PDIA6: variants seen among roughly 807,000 people sequenced by gnomAD.
PDIA6 encodes protein disulfide-isomerase A6.
Under a neutral mutation model 58.4 loss-of-function variants are expected in PDIA6, and 29 were observed. The ratio of observed to expected loss-of-function variants is 0.50; its 90% CI spans 0.37 to 0.68. The LOEUF (loss-of-function observed/expected upper bound fraction) is 0.68, where lower values mean the gene tolerates loss of function less well. Ranked by LOEUF, PDIA6 falls within the 30% of genes least tolerant of loss-of-function variation. The probability of loss-of-function intolerance (pLI) is 0.00; values close to 1 mark genes in which losing one functional copy is unlikely to be tolerated. For synonymous variants in PDIA6, 192 were observed against 202.6 expected (o/e 0.95, Z 0.44); for missense variants, 480 against 551.0 (o/e 0.87, Z 1.29).
At chr2:10,832,541 T>G, upstream of PDIA6, 4 of 542,468 alleles carry the variant, frequency 7.4e-6, no homozygotes, top group Non-Finnish European at 9.4e-6. Context: ...CTGCGCAGGC[T>G]GCTGCGGGGA....
At position 10,789,898 on chromosome 2, in the gene PDIA6, A is replaced by G. The variant is rs1259667529; in HGVS notation, c.700-9T>C. 1.9e-6 allele frequency: 3 copies of G among 1,609,948 alleles called. No homozygotes were observed. The highest frequency in any genetic ancestry group is 2.2e-5 in the South Asian group (2 of 90,556). ...GTAGGAAATCCTCTAATCTATTAAA[A>G]AAAGGTCAGAGGATAAAATCCAATT... is the stretch of plus-strand genomic sequence containing the variant. On this transcript the variant is annotated splice_polypyrimidine_tract_variant and intron_variant, in intron 7 of 12. Transcript: ENST00000272227.
chr2:10,793,116 C>T lies in PDIA6; in HGVS notation c.433G>A (p.Gly145Arg), dbSNP rs143589785. Residue 145 changes from glycine to arginine, a missense_variant, in exon 5 of 13, where the codon GGA (glycine) becomes AGA (arginine). Physicochemically the swap from Gly to Arg is moderately radical, Grantham distance 125. Coordinates refer to ENST00000272227, the MANE Select transcript of PDIA6 (RefSeq NM_005742.4). ...VKDRLGGRSG[G>R]YSSGKQGRSD... Reference sequence around the variant, plus strand: ...CTTACTTGTTTTCCAGAACTGTATCCTCCGCTCCGTCCCCCGAGGCGATCC... The same window carrying T: ...CTTACTTGTTTTCCAGAACTGTATCTTCCGCTCCGTCCCCCGAGGCGATCC... 4 of 1,613,096 alleles carry T rather than the reference C, an allele frequency of 2.5e-6. No individual in the cohort carries two copies. Among genetic ancestry groups the T allele is most frequent in the Non-Finnish European group, 2.5e-6 (3 of 1,179,008 alleles).
intron 2 of PDIA6, among the ~76,000 whole-genome samples, chr2:10,801,458 G>A (rs1572673890): frequency 6.6e-6 from 1 of 152,264 alleles, no homozygotes; most frequent in African/African-American, 2.4e-5. Context: ...TGCCATATAT[G>A]ATAAGCTTGT....
chr2:10,797,913 G>A (rs1291589128), intron 2 of PDIA6, among the ~76,000 whole-genome samples, 156 bp from the exon 3 acceptor site: 1 of 152,172 alleles, frequency 6.6e-6, no homozygotes, highest in East Asian at 1.9e-4. Flanking sequence ...GGCCGGGCAC[G>A]GTGTCTCACG....
rs1665570594 is a variant in PDIA6 at position 10,784,054 on chromosome 2, TACA to T, written c.*201_*203del. On this transcript the variant is annotated 3_prime_UTR_variant, in exon 13 of 13. Transcript: ENST00000272227. ...ACAGAATACGACTCAATTCACCGGC[TACA>T]ACAATTCATAGAATTTTTCAATGTT... 2.1e-5 allele frequency: 9 copies of T among 429,858 alleles called. No individual in the cohort carries two copies. The highest frequency in any genetic ancestry group is 1.3e-4 in the South Asian group (2 of 15,968). 26.6% of individuals were successfully genotyped at this position (429,858 alleles called of 1,614,324 possible). A position where few individuals can be genotyped will look rare whatever the true frequency, so the allele number is the denominator to read the frequency against.
At chr2:10,832,520 CT>C (rs1384089380), upstream of PDIA6, 2 of 761,338 alleles carry the variant, frequency 2.6e-6, no homozygotes, top group Non-Finnish European at 3.2e-6. Context: ...AGGGGGCGCT[CT>C]GCCCTTGCTC....
At chr2:10,787,896 T>G (rs1223054320) in intron 10 of PDIA6, among the ~76,000 whole-genome samples, 1 of 151,932 alleles carries the variant, frequency 6.6e-6, no homozygotes, top group Non-Finnish European at 1.5e-5. Flanking sequence ...GCAAACCCCA[T>G]CTCTACTAAA....
chr2:10,797,640 T>A (rs1360256610), intron 3 of PDIA6, 60 bp downstream of exon 3: 1 of 1,141,852 alleles, frequency 8.8e-7, no homozygotes, highest in Non-Finnish European at 1.3e-6. Flanking sequence ...AATATGGACA[T>A]CTTAGAAACT....
At chr2:10,822,856 G>C (rs78113800) in intron 1 of PDIA6, among the ~76,000 whole-genome samples, 11,196 of 152,304 alleles carry the variant, frequency 0.074, 585 homozygotes, top group South Asian at 0.13. Context: ...AGTCTGAGGA[G>C]ACAAGCTGTG....
intron 10 of PDIA6, 85 bp from the exon 11 acceptor site, chr2:10,787,524 CACGCTTCAGATATTTCGTAGAATG>C (rs1665828415): frequency 4.1e-6 from 5 of 1,222,902 alleles, no homozygotes. Flanking sequence ...AACAAAAGAT[CACGCTTCAGATATTTCGTAGAATG>C]ACAAATAAAA....
At chr2:10,832,034 A>AAAAG (rs1411261709) in intron 1 of PDIA6, among the ~76,000 whole-genome samples, 9 of 151,730 alleles carry the variant, frequency 5.9e-5, no homozygotes, top group Middle Eastern at 3.4e-3. Flanking sequence ...AAAAAAAAAA[A>AAAAG]AAAGAGGAGA....
chr2:10,814,535 T>C (rs1184325562), upstream of PDIA6, among the ~76,000 whole-genome samples: 1 of 152,188 alleles, frequency 6.6e-6, no homozygotes, highest in Non-Finnish European at 1.5e-5. Context: ...CAATGAATGC[T>C]GTTTGTTTTT....
chr2:10,802,607 T>C lies in PDIA6; in HGVS notation c.53A>G (p.Asn18Ser). Residue 18 changes from asparagine to serine, a missense_variant, in exon 2 of 13, where the codon AAT becomes AGT. Physicochemically the swap from Asn to Ser is conservative, Grantham distance 46. Coordinates refer to ENST00000272227, the MANE Select transcript of PDIA6 (RefSeq NM_005742.4). ...LVSCTFFLAV[N>S]GLYSSSDDVI... is the part of the protein sequence containing the mutation. ...ATCATCACTAGAGGAATACAGACCA[T>C]TCACTGCCAGAAAGAAGGTACAGCT... The C allele has an allele frequency of 6.8e-7, 1 of 1,480,268 alleles. No individual in the cohort carries two copies. The highest frequency in any genetic ancestry group is 9.0e-7 in the Non-Finnish European group (1 of 1,117,150). The allele number at this position is 1,480,268 out of a possible 1,614,324, so 91.7% of individuals were successfully genotyped here.
intron 1 of PDIA6, among the ~76,000 whole-genome samples, chr2:10,820,363 C>T (rs971644471): frequency 6.6e-6 from 1 of 152,124 alleles, no homozygotes; most frequent in South Asian, 2.1e-4. Context: ...TTTCTGGCAA[C>T]CCCCACCCCA....
intron 1 of PDIA6, among the ~76,000 whole-genome samples, 189 bp from the exon 2 acceptor site, chr2:10,802,829 G>C (rs892056258): frequency 2.6e-5 from 4 of 152,214 alleles, no homozygotes; most frequent in Non-Finnish European, 5.9e-5. Flanking sequence ...GCAACGCTGA[G>C]CAAGAAAGGA....
chr2:10,809,703 T>C (rs1666925177), intron 1 of PDIA6, among the ~76,000 whole-genome samples: 1 of 143,520 alleles, frequency 7.0e-6, no homozygotes. Flanking sequence ...TCTACAGAGA[T>C]GTACTACTTT....
upstream of PDIA6, among the ~76,000 whole-genome samples, chr2:10,813,057 G>T (rs1667079479): frequency 1.3e-5 from 2 of 152,174 alleles, no homozygotes; most frequent in East Asian, 3.9e-4. Context: ...GCTCGGAGGG[G>T]AGTCCAGTAC....
intron 1 of PDIA6, chr2:10,820,731 G>A: frequency 1.4e-6 from 1 of 702,828 alleles, no homozygotes; most frequent in Non-Finnish European, 2.6e-6. Flanking sequence ...GGCACCAGCT[G>A]GGGTGGCCCG....
chr2:10,811,692 A>G lies in PDIA6; in HGVS notation c.19+986T>C, dbSNP rs1667004342. On this transcript the variant is annotated intron_variant, in intron 1 of 12. Coordinates refer to ENST00000272227, the MANE Select transcript of PDIA6 (RefSeq NM_005742.4). The stretch of plus-strand genomic sequence containing the variant: ...CAGAGCCGAGGTTAAGGACTGTCAG[A>G]GCCAAGGCTGTGACCAAGGCGAGCC... 2.6e-5 allele frequency among the ~76,000 whole-genome samples: 4 copies of G among 152,364 alleles called. No homozygotes were observed. The South Asian group carries it at 8.3e-4, about 32-fold the overall frequency.
Sources: allele counts gnomAD v4.1 joint callset (sites outside exome capture counted in the v4.1 genomes callset), GRCh38; gene constraint gnomAD v4.1.1; transcripts MANE v1.5; gene names NCBI Gene and HGNC (gene_info 2026-07-23, HGNC 2026-07-21).